FHOD3: variants seen among roughly 807,000 people sequenced by gnomAD.
FHOD3 encodes formin homology 2 domain containing 3.
In FHOD3, 90 loss-of-function variants were observed where a neutral mutation model predicts 173.0. The ratio of observed to expected loss-of-function variants is 0.52; its 90% CI spans 0.44 to 0.62. FHOD3 has a LOEUF of 0.62. Among genes scored for constraint, FHOD3 ranks in the 20% least tolerant of loss-of-function variants. The pLI is 0.00. For missense variants in FHOD3, 1,945 were observed against 2,034.7 expected (o/e 0.96, Z 0.85); for synonymous variants, 828 against 823.0 (o/e 1.01, Z -0.10).
intron 16 of FHOD3, 190 bp from the exon 17 acceptor site, chr18:36,693,019 C>T (rs370250455): frequency 6.5e-6 from 4 of 614,184 alleles, no homozygotes; most frequent in South Asian, 2.0e-5. Flanking sequence ...TTATGAGTGA[C>T]GTGGGATTTT....
intron 17 of FHOD3, among the ~76,000 whole-genome samples, chr18:36,698,054 C>T (rs984829327): frequency 6.6e-6 from 1 of 152,208 alleles, no homozygotes; most frequent in Non-Finnish European, 1.5e-5. Flanking sequence ...ACACTGCATG[C>T]TAGTTCTCTT....
intron 3 of FHOD3, among the ~76,000 whole-genome samples, chr18:36,490,076 C>T (rs1370901817): frequency 1.3e-5 from 2 of 152,212 alleles, no homozygotes; most frequent in Non-Finnish European, 2.9e-5. Context: ...ACGGTGCTGC[C>T]TCCTCCGGGC....
chr18:36,760,644 A>C lies in FHOD3; in HGVS notation c.4486A>C (p.Ser1496Arg). The C allele has an allele frequency of 6.3e-7, 1 of 1,594,406 alleles. No individual in the cohort carries two copies. Residue 1496 changes from serine to arginine, a missense_variant, in exon 27 of 29, where the codon AGC becomes CGC. Around this residue, in one of 5 missense-constraint regions of FHOD3, gnomAD observed 354 missense variants for 359.9 expected, o/e 0.98. Transcript: ENST00000590592. Reference sequence around the variant, plus strand: ...CTCCGGCAGTTCTCCGGCGCCCCCAAGCCAGCCGCAGGGTCTGAGCTATGC... The same window carrying C: ...CTCCGGCAGTTCTCCGGCGCCCCCACGCCAGCCGCAGGGTCTGAGCTATGC... Reference protein sequence around the residue: ...KFSGSSPAPPSQPQGLSYAED... With the variant: ...KFSGSSPAPPRQPQGLSYAED...
intron 9 of FHOD3, among the ~76,000 whole-genome samples, chr18:36,617,033 T>C (rs1050023471): frequency 9.2e-5 from 14 of 152,318 alleles, no homozygotes; most frequent in African/African-American, 3.1e-4. Context: ...TTAGGAAACA[T>C]CTCTACTTCA....
intron 3 of FHOD3, among the ~76,000 whole-genome samples, chr18:36,385,167 A>G (rs2047969190): frequency 6.6e-6 from 1 of 152,220 alleles, no homozygotes; most frequent in Non-Finnish European, 1.5e-5. Context: ...ACTCTTAAAT[A>G]TGAAAACCAA....
rs900646012 is a variant in FHOD3 at position 36,615,288 on chromosome 18, A to G, written c.957+3193A>G. ...ACTTCTGATATAACTGATCAGTCTT[A>G]TTAATAGTAATACATTTAAAAAATA... is the stretch of plus-strand genomic sequence containing the variant. On this transcript the variant is annotated intron_variant, in intron 9 of 28. Coordinates refer to ENST00000590592, the MANE Select transcript of FHOD3 (RefSeq NM_001281740.3). 2.0e-5 allele frequency among the ~76,000 whole-genome samples: 3 copies of G among 152,114 alleles called. No individual in the cohort carries two copies. In the South Asian group the frequency reaches 6.2e-4, roughly 31 times the overall value.
intron 10 of FHOD3, among the ~76,000 whole-genome samples, chr18:36,639,490 C>A (rs2035136037): frequency 6.6e-6 from 1 of 152,058 alleles, no homozygotes; most frequent in African/African-American, 2.4e-5. Flanking sequence ...GAAACCCCGT[C>A]TCTACTAAAA....
chr18:36,529,746 G>A (rs943156290), intron 5 of FHOD3, among the ~76,000 whole-genome samples: 2 of 152,170 alleles, frequency 1.3e-5, no homozygotes, highest in Admixed American at 6.5e-5. Context: ...GTTGCAGTGA[G>A]CTGAGATCGC....
chr18:36,547,401 T>G (rs549865953), intron 5 of FHOD3, among the ~76,000 whole-genome samples: 1 of 152,288 alleles, frequency 6.6e-6, no homozygotes, highest in East Asian at 1.9e-4. Context: ...AAATTCTTGT[T>G]TTTCTGTGAG....
At chr18:36,610,417 C>T (rs547944893) in intron 8 of FHOD3, among the ~76,000 whole-genome samples, 28 of 152,306 alleles carry the variant, frequency 1.8e-4, no homozygotes, top group African/African-American at 2.6e-4. Context: ...CCTGTCAGTG[C>T]GATGTGGTTA....
At chr18:36,491,624 C>T (rs771090989) in intron 3 of FHOD3, among the ~76,000 whole-genome samples, 9 of 151,388 alleles carry the variant, frequency 5.9e-5, no homozygotes, top group Non-Finnish European at 1.0e-4. Flanking sequence ...ACAGTCTCCA[C>T]GGTTATGCTA....
chr18:36,577,878 G>A (rs763019729), intron 6 of FHOD3, among the ~76,000 whole-genome samples: 16 of 152,186 alleles, frequency 1.1e-4, no homozygotes, highest in Non-Finnish European at 2.2e-4. Context: ...GGTTTCTGCC[G>A]GGGTGTGGAG....
At chr18:36,510,070 C>G (rs142578921) in intron 4 of FHOD3, among the ~76,000 whole-genome samples, 1 of 152,312 alleles carries the variant, frequency 6.6e-6, no homozygotes, top group South Asian at 2.1e-4. Context: ...CATCATCTCT[C>G]ATGTTTTCTA....
At chr18:36,705,990 T>TGTGC (rs1257917795) in intron 17 of FHOD3, among the ~76,000 whole-genome samples, 1 of 135,740 alleles carries the variant, frequency 7.4e-6, no homozygotes, top group African/African-American at 2.8e-5. Context: ...TGTGTGTGTG[T>TGTGC]GCACGGAGAG....
At chr18:36,477,522 TCCATCCAC>T (rs1404421851) in intron 3 of FHOD3, among the ~76,000 whole-genome samples, 10 of 71,350 alleles carry the variant, frequency 1.4e-4, no homozygotes, top group South Asian at 5.7e-4. Flanking sequence ...CATCCATCCA[TCCATCCAC>T]CCACCCACCC....
At chr18:36,357,295 G>T (rs954223291) in intron 2 of FHOD3, among the ~76,000 whole-genome samples, 5 of 152,062 alleles carry the variant, frequency 3.3e-5, no homozygotes, top group Non-Finnish European at 7.4e-5. Flanking sequence ...TCTTCTCTGC[G>T]GCTAACACTT....
chr18:36,507,843 A>C (rs1293989212), intron 4 of FHOD3, among the ~76,000 whole-genome samples: 1 of 152,062 alleles, frequency 6.6e-6, no homozygotes, highest in Non-Finnish European at 1.5e-5. Flanking sequence ...TTCTTATGCC[A>C]GCAGAAGGCC....
At chr18:36,450,069 C>T (rs149360850) in intron 3 of FHOD3, among the ~76,000 whole-genome samples, 193 of 152,160 alleles carry the variant, frequency 1.3e-3, no homozygotes, top group African/African-American at 3.4e-3. Flanking sequence ...ATCCCTCACC[C>T]CGCTCCCACC....
intron 3 of FHOD3, among the ~76,000 whole-genome samples, chr18:36,391,903 C>T (rs955567386): frequency 6.6e-6 from 1 of 152,274 alleles, no homozygotes; most frequent in East Asian, 1.9e-4. Context: ...CAAATGTCTC[C>T]CCATGCCACA....
Sources: gnomAD v4.1 joint callset for allele counts (sites outside exome capture counted in the v4.1 genomes callset) on GRCh38, gnomAD v4.1.1 for gene constraint, gnomAD v4.1.1 regional missense constraint, MANE v1.5 for transcripts, NCBI Gene and HGNC (gene_info 2026-07-23, HGNC 2026-07-21) for gene names.